MCTP1: variants seen among roughly 807,000 people sequenced by gnomAD.
MCTP1 encodes the protein multiple C2 and transmembrane domain containing 1.
In MCTP1, 69 loss-of-function variants were observed where a neutral mutation model predicts 120.6. The observed-to-expected ratio is 0.57, with a 90% CI of 0.47 to 0.70. The LOEUF is 0.70. MCTP1 is among the 30% of genes least tolerant of loss of function. The probability of loss-of-function intolerance (pLI) is 0.00; values close to 1 mark genes in which losing one functional copy is unlikely to be tolerated. For missense variants in MCTP1, 1,203 were observed against 1,248.8 expected, an observed-to-expected ratio of 0.96 and a Z score of 0.55; for synonymous variants, 529 against 493.1, an observed-to-expected ratio of 1.07 and a Z score of -0.96.
At chr5:95,027,554 G>A (rs532689822) in intron 1 of MCTP1, among the ~76,000 whole-genome samples, 14 of 152,290 alleles carry the variant, frequency 9.2e-5, no homozygotes, top group African/African-American at 3.4e-4. Context: ...AGAAGTATGG[G>A]GTGGAAAACT....
At chr5:94,972,376 C>A (rs960004759) in intron 2 of MCTP1, among the ~76,000 whole-genome samples, 7 of 152,146 alleles carry the variant, frequency 4.6e-5, no homozygotes, top group African/African-American at 1.7e-4. Flanking sequence ...CCTTTCCCTT[C>A]ACTATCACTG....
At chr5:94,839,821 C>T (rs1790605166) in intron 17 of MCTP1, among the ~76,000 whole-genome samples, 1 of 152,154 alleles carries the variant, frequency 6.6e-6, no homozygotes, top group Non-Finnish European at 1.5e-5. Context: ...GCTAAAATAA[C>T]AGCACCTTCT....
At chr5:94,989,361 A>G (rs964113631) in intron 2 of MCTP1, among the ~76,000 whole-genome samples, 2 of 152,344 alleles carry the variant, frequency 1.3e-5, no homozygotes, top group South Asian at 4.1e-4. Context: ...CCACAAATGT[A>G]GTGGCTTAAA....
rs1754016026 is a variant in MCTP1, at chr5:94,704,054, A to C, written c.*3442T>G. ...TTACACCAATCATCCCAGGAAAAAG[A>C]ATTATAATTGAAAGGAATGACACTA... On this transcript the variant is annotated 3_prime_UTR_variant, in exon 23 of 23. Coordinates refer to ENST00000515393, the MANE Select transcript of MCTP1 (RefSeq NM_024717.7). The C allele has an allele frequency of 6.6e-6, 1 of 151,432 alleles. No individual in the cohort carries two copies. Among genetic ancestry groups the C allele is most frequent in the Non-Finnish European group, 1.5e-5 (1 of 67,626 alleles). The allele number at this position is 151,432 out of a possible 1,614,324, so 9.4% of individuals were successfully genotyped here.
intron 1 of MCTP1, among the ~76,000 whole-genome samples, chr5:95,098,243 C>A (rs1756422748): frequency 6.6e-6 from 1 of 152,104 alleles, no homozygotes; most frequent in East Asian, 1.9e-4. Context: ...GGATACTTTG[C>A]CTATTTTTTA....
chr5:94,828,102 A>G (rs1328011583), intron 17 of MCTP1, among the ~76,000 whole-genome samples: 1 of 151,906 alleles, frequency 6.6e-6, no homozygotes, highest in African/African-American at 2.4e-5. Flanking sequence ...GGACTTATCT[A>G]CCTTTGGTCT....
chr5:95,150,592 G>A (rs535140209), intron 1 of MCTP1, among the ~76,000 whole-genome samples: 16 of 152,168 alleles, frequency 1.1e-4, no homozygotes, highest in East Asian at 7.7e-4. Flanking sequence ...AATACATTTC[G>A]TATCTTTCTA....
chr5:94,771,871 G>C (rs919644284), intron 19 of MCTP1, among the ~76,000 whole-genome samples: 2 of 152,180 alleles, frequency 1.3e-5, no homozygotes, highest in African/African-American at 4.8e-5. Context: ...AGTCTGAAAT[G>C]AGTCTCACTG....
At chr5:94,956,359 C>G (rs1372698358) in intron 2 of MCTP1, among the ~76,000 whole-genome samples, 3 of 152,168 alleles carry the variant, frequency 2.0e-5, no homozygotes, top group Non-Finnish European at 2.9e-5. Context: ...TGCCTCTTCT[C>G]CTCCAAAGGA....
intron 1 of MCTP1, among the ~76,000 whole-genome samples, chr5:95,055,582 C>T (rs746931244): frequency 1.3e-5 from 2 of 152,172 alleles, no homozygotes; most frequent in Non-Finnish European, 2.9e-5. Context: ...TGTGCTTCAG[C>T]TCAGACAATC....
intron 2 of MCTP1, among the ~76,000 whole-genome samples, chr5:94,980,382 T>G (rs1337837065): frequency 6.6e-6 from 1 of 152,174 alleles, no homozygotes; most frequent in Admixed American, 6.6e-5. Flanking sequence ...ACAAAAATTC[T>G]AGTTACAAAC....
chr5:95,074,580 G>A (rs1753081348), intron 1 of MCTP1, among the ~76,000 whole-genome samples: 1 of 152,194 alleles, frequency 6.6e-6, no homozygotes, highest in Non-Finnish European at 1.5e-5. Context: ...TGGAGCGGGT[G>A]AAGTATAACC....
chr5:95,121,895 C>T (rs1351327994), intron 1 of MCTP1, among the ~76,000 whole-genome samples: 4 of 145,224 alleles, frequency 2.8e-5, no homozygotes, highest in Non-Finnish European at 6.0e-5. Flanking sequence ...AAACGACAGC[C>T]TCTTCAATAA....
intron 6 of MCTP1, among the ~76,000 whole-genome samples, chr5:94,926,285 C>A (rs1039119722): frequency 6.6e-6 from 1 of 152,138 alleles, no homozygotes; most frequent in Non-Finnish European, 1.5e-5. Context: ...ATATTCAAAT[C>A]TAAGAGTCAA....
chr5:94,710,880 G>A lies in MCTP1; in HGVS notation c.2768C>T (p.Ala923Val). 1.2e-6 allele frequency: 2 copies of A among 1,613,022 alleles called. No homozygotes were observed. Among genetic ancestry groups the A allele is most frequent in the South Asian group, 1.1e-5 (1 of 91,044 alleles). Reference protein sequence around the residue: ...VPFLSWLAIVALCVFTAILYC... With the variant: ...VPFLSWLAIVVLCVFTAILYC... ...CAGGATGGCTGTGAACACACAGAGG[G>A]CTACAATGGCCAGCCAGCTTAAGAA... Residue 923 changes from alanine to valine, a missense_variant, in exon 21 of 23, where the codon GCC becomes GTC. Ala to Val is a moderately conservative substitution (Grantham distance 64). Around this residue, in one of 2 missense-constraint regions of MCTP1, gnomAD observed 740 missense variants for 871.1 expected, o/e 0.85. Coordinates refer to ENST00000515393, the MANE Select transcript of MCTP1 (RefSeq NM_024717.7).
intron 1 of MCTP1, among the ~76,000 whole-genome samples, chr5:95,220,451 T>C (rs577846113): frequency 6.6e-6 from 1 of 152,248 alleles, no homozygotes; most frequent in South Asian, 2.1e-4. Flanking sequence ...TTTTTCATTC[T>C]TAATAATTCA....
intron 1 of MCTP1, among the ~76,000 whole-genome samples, chr5:95,116,446 T>C (rs189907714): frequency 6.6e-6 from 1 of 152,194 alleles, no homozygotes; most frequent in African/African-American, 2.4e-5. Context: ...TCTTGTGGTA[T>C]AGTTTGAAGT....
intron 1 of MCTP1, among the ~76,000 whole-genome samples, chr5:95,187,324 T>C (rs538400106): frequency 6.6e-6 from 1 of 152,196 alleles, no homozygotes; most frequent in Non-Finnish European, 1.5e-5. Flanking sequence ...AAGGAGATCA[T>C]TATGTTAAGT....
chr5:94,799,486 G>A (rs1209765403), intron 17 of MCTP1, among the ~76,000 whole-genome samples: 1 of 151,964 alleles, frequency 6.6e-6, no homozygotes, highest in Non-Finnish European at 1.5e-5. Flanking sequence ...AAATACCCTG[G>A]TTTATCTGCC....
Sources: gnomAD v4.1 joint callset for allele counts (sites outside exome capture counted in the v4.1 genomes callset) on GRCh38, gnomAD v4.1.1 for gene constraint, gnomAD v4.1.1 regional missense constraint, MANE v1.5 for transcripts, NCBI Gene and HGNC (gene_info 2026-07-23, HGNC 2026-07-21) for gene names.